RGL3: variants seen among roughly 807,000 people sequenced by gnomAD.
RGL3 encodes the protein ral guanine nucleotide dissociation stimulator like 3, also known as ral guanine nucleotide dissociation stimulator-like 3.
RGL3 carries 85 observed loss-of-function variants against 90.6 expected under a neutral mutation model. The ratio of observed to expected loss-of-function variants is 0.94; its 90% confidence interval spans 0.79 to 1.12. RGL3 has a LOEUF of 1.12. RGL3 is among the 50% of genes most tolerant of loss of function. The pLI is 0.00. For missense variants in RGL3, 1,034 were observed against 939.2 expected, an observed-to-expected ratio of 1.10 and a Z score of -1.32; for synonymous variants, 408 against 385.5, an observed-to-expected ratio of 1.06 and a Z score of -0.68.
chr19:11,416,776 G>A, intron 3 of RGL3, 60 bp downstream of exon 3: 7 of 1,592,150 alleles, frequency 4.4e-6, no homozygotes, highest in Non-Finnish European at 6.0e-6. Flanking sequence ...AGGAGGTGGA[G>A]GGGGGTGCCC....
At chr19:11,417,565 G>A (rs1167822405) in intron 2 of RGL3, among the ~76,000 whole-genome samples, 10 of 149,972 alleles carry the variant, frequency 6.7e-5, no homozygotes, top group African/African-American at 2.5e-4. Flanking sequence ...CCGCCTCCTG[G>A]GTTCAAGCAA....
chr19:11,405,340 G>A lies in RGL3; in HGVS notation c.1083C>T (p.Ser361=). The A allele has an allele frequency of 6.2e-7, 1 of 1,613,250 alleles. No homozygotes were observed. Among genetic ancestry groups the A allele is most frequent in the Non-Finnish European group, 8.5e-7 (1 of 1,179,714 alleles). Residue 361 remains serine (S), a synonymous_variant, in exon 8 of 19, where the codon AGC becomes AGT. Transcript: ENST00000380456. Reference sequence around the variant, plus strand: ...CAGCTCACCGGCTCACTGCCCCCCAGCTGCGCTTGAGCCGGTAGATGGGGT... The same window carrying A: ...CAGCTCACCGGCTCACTGCCCCCCAACTGCGCTTGAGCCGGTAGATGGGGT... ...QSNPIYRLKR[S]WGAVSREPLS... is the part of the protein sequence containing the mutation.
chr19:11,416,992 G>C lies in RGL3; in HGVS notation c.215C>G (p.Ala72Gly). The C allele has an allele frequency of 6.2e-7, 1 of 1,613,884 alleles. No homozygotes were observed. The highest frequency in any genetic ancestry group is 8.5e-7 in the Non-Finnish European group (1 of 1,179,924). The change falls in exon 3 of 19, where the codon GCG (alanine) becomes GGG (glycine). Residue 72 changes from alanine to glycine, a missense_variant. Coordinates refer to ENST00000380456, the MANE Select transcript of RGL3 (RefSeq NM_001035223.4). Reference sequence around the variant, plus strand: ...CTCTCCCACCAGCCGCTCCAGGCGCGCTGCCCTCAGCACCCTCACCTTGCT... The same window carrying C: ...CTCTCCCACCAGCCGCTCCAGGCGCCCTGCCCTCAGCACCCTCACCTTGCT... ...RTSKVRVLRA[A>G]RLERLVGELV...
rs116324879 is a variant in RGL3 at position 11,399,186 on chromosome 19, C to T, written c.1746+669G>A. Among the ~76,000 whole-genome samples, 861 of 152,254 alleles carry T rather than the reference C, an allele frequency of 5.7e-3. 10 individuals are homozygous for T. Among genetic ancestry groups the T allele is most frequent in the African/African-American group, 0.02 (828 of 41,536 alleles). On this transcript the variant is annotated intron_variant, in intron 16 of 18. Transcript: ENST00000380456. ...AACTCCCGGCCTCAAGCAATCCTCCCACTTTGGCTTCCCAAAGTGCCGGGA... is the reference window on the plus strand; with the variant it reads ...AACTCCCGGCCTCAAGCAATCCTCCTACTTTGGCTTCCCAAAGTGCCGGGA...
intron 4 of RGL3, 124 bp downstream of exon 4, chr19:11,416,490 C>G: frequency 1.0e-6 from 1 of 954,408 alleles, no homozygotes; most frequent in African/African-American, 1.6e-5. Context: ...TGAGCCACCA[C>G]GCCCCACCTG....
chr19:11,415,824 G>C, intron 5 of RGL3, 113 bp downstream of exon 5: 1 of 975,124 alleles, frequency 1.0e-6, no homozygotes, highest in Non-Finnish European at 1.5e-6. Context: ...GAGGCTTAGA[G>C]TTTAAAATCT....
intron 5 of RGL3, 110 bp from the exon 6 acceptor site, chr19:11,406,974 C>T (rs1714321997): frequency 1.7e-6 from 2 of 1,144,266 alleles, no homozygotes; most frequent in Non-Finnish European, 2.4e-6. Context: ...ATTTGTAAAA[C>T]GGAGAGCTCT....
chr19:11,407,642 G>C (rs1156720048), intron 5 of RGL3, among the ~76,000 whole-genome samples: 1 of 151,126 alleles, frequency 6.6e-6, no homozygotes, highest in East Asian at 1.9e-4. Flanking sequence ...ATGCAAACTC[G>C]TCCACTAGCT....
rs540195723 is a variant in RGL3, at chr19:11,398,070, T to A, written c.1747-473A>T. Among the ~76,000 whole-genome samples, 5 of 152,164 alleles carry A rather than the reference T, an allele frequency of 3.3e-5. No individual in the cohort carries two copies. The East Asian group carries it at 7.7e-4, about 23-fold the overall frequency. On this transcript the variant is annotated intron_variant, in intron 16 of 18. Coordinates refer to ENST00000380456, the MANE Select transcript of RGL3 (RefSeq NM_001035223.4). ...CTCAAGAAAACATACTACTACCCCC[T>A]ACACATGCAGAGCCTGGGACATGCA...
intron 5 of RGL3, chr19:11,408,813 C>T (rs1968825707): frequency 1.3e-5 from 2 of 152,138 alleles, no homozygotes; most frequent in Admixed American, 6.6e-5. Context: ...TGATTGTTCA[C>T]AGTTACAGAT....
intron 7 of RGL3, 113 bp from the exon 8 acceptor site, chr19:11,405,539 T>TAA (rs1968763264): frequency 1.2e-6 from 1 of 815,836 alleles, no homozygotes; most frequent in African/African-American, 2.2e-5. Flanking sequence ...TTTTTTTTTT[T>TAA]GAGAGATAGG....
Position 11,406,822 on chromosome 19 carries a change from T to A in RGL3, c.680A>T (p.Glu227Val), listed in dbSNP as rs775620793. ...CCCTTCCTCTTCCTCCGCGCAGGCC[T>A]CTGAAGAGTCTGGGTCAGAAGTTTG... ...VAQTSDPDSSEACAEEEEGLM... is the reference protein window; with the variant it reads ...VAQTSDPDSSVACAEEEEGLM... Residue 227 changes from glutamate to valine, a missense_variant, in exon 6 of 19, where the codon GAG (glutamate) becomes GTG (valine). Physicochemically the swap from Glu to Val is moderately radical, Grantham distance 121. Transcript: ENST00000380456. 5 of 1,613,652 alleles carry A rather than the reference T, an allele frequency of 3.1e-6. No individual in the cohort carries two copies. Among genetic ancestry groups the A allele is most frequent in the Non-Finnish European group, 4.2e-6 (5 of 1,179,866 alleles).
chr19:11,409,876 CTG>C (rs1968844107), intron 5 of RGL3, among the ~76,000 whole-genome samples: 1 of 152,146 alleles, frequency 6.6e-6, no homozygotes, highest in Admixed American at 6.6e-5. Context: ...TGGTTTATTG[CTG>C]TGTAAGTTAC....
chr19:11,414,490 CAT>C (rs57862666), intron 5 of RGL3, among the ~76,000 whole-genome samples: 4,426 of 27,680 alleles, frequency 0.16, 414 homozygotes, highest in African/African-American at 0.17. Flanking sequence ...TATACACCTT[CAT>C]ATATATATAT....
rs1306457170 is a variant in RGL3 at position 11,414,519 on chromosome 19, A to T, written c.637+1418T>A. Reference sequence around the variant, plus strand: ...TATATATATATATATATATATATATATATATATATACCTTTATATATATAT... The same window carrying T: ...TATATATATATATATATATATATATTTATATATATACCTTTATATATATAT... On this transcript the variant is annotated intron_variant, in intron 5 of 18. Coordinates refer to ENST00000380456, the MANE Select transcript of RGL3 (RefSeq NM_001035223.4). Among the ~76,000 whole-genome samples the T allele has an allele frequency of 2.6e-4, 27 of 105,418 alleles. 3 individuals are homozygous for T. Among genetic ancestry groups the T allele is most frequent in the African/African-American group, 1.0e-3 (27 of 26,964 alleles). 69.2% of individuals were successfully genotyped at this position (105,418 alleles called of 152,430 possible).
chr19:11,405,091 A>G (rs1383677809), intron 9 of RGL3, 56 bp downstream of exon 9: 45 of 1,450,742 alleles, frequency 3.1e-5, no homozygotes, highest in Non-Finnish European at 4.0e-5. Context: ...CCTGGCCCCA[A>G]GTCCCTCCCC....
intron 18 of RGL3, among the ~76,000 whole-genome samples, chr19:11,395,323 A>T (rs1306152636): frequency 3.9e-5 from 6 of 152,152 alleles, no homozygotes; most frequent in Non-Finnish European, 7.3e-5. Context: ...AACCACAAGC[A>T]TCCTTTCCTA....
intron 5 of RGL3, among the ~76,000 whole-genome samples, chr19:11,415,145 A>T (rs1269244532): frequency 1.3e-5 from 2 of 151,654 alleles, no homozygotes; most frequent in Non-Finnish European, 2.9e-5. Flanking sequence ...AAAAATAGAT[A>T]AAAAAATAAA....
intron 16 of RGL3, 49 bp downstream of exon 16, chr19:11,399,806 G>C (rs1241683137): frequency 3.8e-6 from 4 of 1,059,184 alleles, no homozygotes; most frequent in Non-Finnish European, 5.4e-6. Context: ...CACACACACA[G>C]AGCCTGGGTG....
Sources: allele counts gnomAD v4.1 joint callset (sites outside exome capture counted in the v4.1 genomes callset), GRCh38; gene constraint gnomAD v4.1.1; transcripts MANE v1.5; gene names NCBI Gene and HGNC (gene_info 2026-07-23, HGNC 2026-07-21).